DNAH7: variants seen among roughly 807,000 people sequenced by gnomAD.
The protein encoded by DNAH7 is axonemal beta dynein heavy chain 7.
Under a neutral mutation model 444.6 loss-of-function variants are expected in DNAH7, and 397 were observed. The observed-to-expected ratio is 0.89, with a 90% confidence interval of 0.82 to 0.97. The LOEUF (loss-of-function observed/expected upper bound fraction) is 0.97, where lower values mean the gene tolerates loss of function less well. Ranked by LOEUF, DNAH7 falls within the 50% of genes least tolerant of loss-of-function variation. DNAH7 has a pLI of 0.00. For synonymous variants in DNAH7, 1,636 were observed against 1,624.4 expected (o/e 1.01, Z -0.17); for missense variants, 4,902 against 4,800.8 (o/e 1.02, Z -0.62).
chr2:196,016,886 G>A (rs574522140), intron 9 of DNAH7, among the ~76,000 whole-genome samples: 1 of 152,224 alleles, frequency 6.6e-6, no homozygotes. Context: ...AGAAATGAGA[G>A]GGAATTCTGT....
At chr2:195,824,044 C>CT (rs1400349316) in intron 49 of DNAH7, among the ~76,000 whole-genome samples, 1 of 151,836 alleles carries the variant, frequency 6.6e-6, no homozygotes, top group Non-Finnish European at 1.5e-5. Context: ...TTCTGATGAC[C>CT]TTTTTTCACA....
chr2:196,020,998 A>C (rs1695346243), intron 8 of DNAH7, among the ~76,000 whole-genome samples: 5 of 152,192 alleles, frequency 3.3e-5, no homozygotes, highest in Admixed American at 3.3e-4. Context: ...ACTATTTAAG[A>C]GATTTATTCC....
At chr2:195,821,261 T>C (rs1697456007) in intron 49 of DNAH7, among the ~76,000 whole-genome samples, 1 of 152,344 alleles carries the variant, frequency 6.6e-6, no homozygotes, top group South Asian at 2.1e-4. Context: ...GATTTATAAA[T>C]TGTTTGCATT....
chr2:195,928,828 C>G (rs1574797977), intron 21 of DNAH7, among the ~76,000 whole-genome samples: 1 of 151,942 alleles, frequency 6.6e-6, no homozygotes, highest in East Asian at 1.9e-4. Flanking sequence ...GTGGGAGAGT[C>G]TGACACATTA....
Position 195,756,304 on chromosome 2 carries a change from T to A in DNAH7, c.11434-19A>T. The A allele has an allele frequency of 6.3e-7, 1 of 1,589,890 alleles. No individual in the cohort carries two copies. The highest frequency in any genetic ancestry group is 1.1e-5 in the South Asian group (1 of 87,974). Reference sequence around the variant, plus strand: ...CAAGCCCCTGAAACACATTTAACCTTGGTTAATATAATAGTATAGATTATG... The same window carrying A: ...CAAGCCCCTGAAACACATTTAACCTAGGTTAATATAATAGTATAGATTATG... On this transcript the variant is annotated intron_variant, in intron 61 of 64. Transcript: ENST00000312428.
At chr2:195,897,035 C>T (rs1417590230) in intron 29 of DNAH7, among the ~76,000 whole-genome samples, 1 of 152,142 alleles carries the variant, frequency 6.6e-6, no homozygotes, top group East Asian at 1.9e-4. Context: ...AATTCCAAAA[C>T]AGCGTAAGTT....
intron 24 of DNAH7, among the ~76,000 whole-genome samples, chr2:195,918,596 T>G (rs1687828325): frequency 6.6e-6 from 1 of 152,318 alleles, no homozygotes; most frequent in Non-Finnish European, 1.5e-5. Context: ...AATAAAAGTG[T>G]GTTATCAAGC....
intron 21 of DNAH7, among the ~76,000 whole-genome samples, chr2:195,930,104 G>A (rs1308179891): frequency 6.6e-6 from 1 of 152,102 alleles, no homozygotes; most frequent in African/African-American, 2.4e-5. Flanking sequence ...CAGAACTTTG[G>A]GAGGTCAAGA....
chr2:195,975,214 G>C (rs1209075869), intron 15 of DNAH7, among the ~76,000 whole-genome samples: 4 of 152,154 alleles, frequency 2.6e-5, no homozygotes, highest in African/African-American at 9.7e-5. Flanking sequence ...GGGTAGGAAA[G>C]ATAGTCTTGA....
intron 59 of DNAH7, 52 bp downstream of exon 59, chr2:195,777,748 C>G (rs1444597343): frequency 4.6e-6 from 7 of 1,537,736 alleles, no homozygotes; most frequent in Middle Eastern, 2.0e-4. Context: ...TCATCACTAC[C>G]AAAATAATTT....
At chr2:196,013,251 G>A (rs1469601742) in intron 9 of DNAH7, among the ~76,000 whole-genome samples, 2 of 152,080 alleles carry the variant, frequency 1.3e-5, no homozygotes, top group Admixed American at 1.3e-4. Flanking sequence ...CCACTGCTCT[G>A]AAAAGAAAAA....
Position 195,787,120 on chromosome 2 carries a change from G to A in DNAH7, c.10768C>T (p.Gln3590Ter), listed in dbSNP as rs2105973851. The change falls in exon 58 of 65, where the codon CAA (glutamine) becomes TAA (stop). Residue 3590 changes from glutamine to a stop codon, truncating the protein, a stop_gained. Transcript: ENST00000312428. LOFTEE classifies it high-confidence loss of function. ...AGGGGTCCAAATTTCCGTCTTTCTTGTACCAAAGCATGAAAGAAACACAGG... is the reference window on the plus strand; with the variant it reads ...AGGGGTCCAAATTTCCGTCTTTCTTATACCAAAGCATGAAAGAAACACAGG... Reference protein sequence around the residue: ...YGLCFFHALVQERRKFGPLGW... With the variant: ...YGLCFFHALV The A allele has an allele frequency of 1.2e-6, 2 of 1,610,220 alleles. No individual in the cohort carries two copies. Among genetic ancestry groups the A allele is most frequent in the Non-Finnish European group, 8.5e-7 (1 of 1,178,966 alleles).
rs376677880 is a variant in DNAH7, at chr2:195,853,384, C to A, written c.8740G>T (p.Val2914Leu). ...LTGDILISSG[V>L]VAYLGAFTST... ...GTGAAGGCTCCGAGGTAAGCAACCA[C>A]TCCGGAGGAAATGAGGATATCCCCA... Residue 2914 changes from valine (V) to leucine (L), a missense_variant, in exon 46 of 65, where the codon GTG becomes TTG. Coordinates refer to ENST00000312428, the MANE Select transcript of DNAH7 (RefSeq NM_018897.3). 6.2e-7 allele frequency: 1 copy of A among 1,613,964 alleles called. No individual in the cohort carries two copies. The highest frequency in any genetic ancestry group is 1.3e-5 in the African/African-American group (1 of 74,904).
chr2:195,944,287 G>T (rs1689655834), intron 19 of DNAH7, among the ~76,000 whole-genome samples: 1 of 152,078 alleles, frequency 6.6e-6, no homozygotes, highest in Admixed American at 6.6e-5. Flanking sequence ...TCCAATCAAG[G>T]ATTTTCTACC....
chr2:195,950,971 C>T (rs1294210624), intron 19 of DNAH7, among the ~76,000 whole-genome samples: 1 of 146,484 alleles, frequency 6.8e-6, no homozygotes, highest in East Asian at 2.2e-4. Flanking sequence ...TTCTTGTCTT[C>T]TGCTAGCTTT....
At position 195,934,679 on chromosome 2, in the gene DNAH7, A is replaced by C. The variant is rs184006130; in HGVS notation, c.3383T>G (p.Ile1128Arg). The change falls in exon 21 of 65, where the codon ATA becomes AGA. Residue 1128 changes from isoleucine (I) to arginine (R), a missense_variant. Physicochemically the swap from Ile to Arg is moderately conservative, Grantham distance 97. Transcript: ENST00000312428. ...GGCTTTGGCTGTTGAAATAATCTCT[A>C]TGAGTTCTACAACCTCTCCTTCGCT... ...KSSEGEVVEL[I>R]EIISTAKARG... The C allele has an allele frequency of 6.2e-7, 1 of 1,614,004 alleles. No homozygotes were observed. Among genetic ancestry groups the C allele is most frequent in the East Asian group, 2.2e-5 (1 of 44,890 alleles).
At chr2:195,800,172 C>T (rs1696377267) in intron 54 of DNAH7, among the ~76,000 whole-genome samples, 1 of 152,164 alleles carries the variant, frequency 6.6e-6, no homozygotes, top group Non-Finnish European at 1.5e-5. Flanking sequence ...GGGATCTACT[C>T]TCATGACCCT....
Position 196,012,814 on chromosome 2 carries a change from T to C in DNAH7, c.962A>G (p.Asp321Gly), listed in dbSNP as rs1330457702. ...SFQNIIMRHM[D>G]SAKETLLKMW... ...TTTAAGTAGAGTCTCTTTGGCAGAG[T>C]CCATGTGTCTCATGATAATGTTCTG... The change falls in exon 10 of 65, where the codon GAC becomes GGC. Residue 321 changes from aspartate to glycine, a missense_variant. Asp to Gly is a moderately conservative substitution (Grantham distance 94). Coordinates refer to ENST00000312428, the MANE Select transcript of DNAH7 (RefSeq NM_018897.3). The C allele has an allele frequency of 5.0e-6, 8 of 1,593,330 alleles. No individual in the cohort carries two copies. Among genetic ancestry groups the C allele is most frequent in the Non-Finnish European group, 6.8e-6 (8 of 1,171,090 alleles).
Position 195,829,935 on chromosome 2 carries a change from G to A in DNAH7, c.9100+4271C>T, listed in dbSNP as rs576085484. 2.5e-4 allele frequency among the ~76,000 whole-genome samples: 38 copies of A among 151,362 alleles called. No homozygotes were observed. In the East Asian group the frequency reaches 5.4e-3, roughly 22 times the overall value. ...TATTTATTATATTATGCGTCTCACC[G>A]GAAAATTTTAAATTTTTTAAAAATT... On this transcript the variant is annotated intron_variant, in intron 48 of 64. Transcript: ENST00000312428.
Sources: allele counts gnomAD v4.1 joint callset (sites outside exome capture counted in the v4.1 genomes callset), GRCh38; gene constraint gnomAD v4.1.1; transcripts MANE v1.5; gene names NCBI Gene and HGNC (gene_info 2026-07-23, HGNC 2026-07-21).